The following PFKP variants were observed in gnomAD, a reference collection of about 807,000 sequenced individuals.
The protein encoded by PFKP is ATP-dependent 6-phosphofructokinase, platelet type.
In PFKP, 101 loss-of-function variants were observed where a neutral mutation model predicts 94.3. The observed-to-expected ratio is 1.07, with a 90% CI of 0.91 to 1.26. The LOEUF (loss-of-function observed/expected upper bound fraction) is 1.26, where lower values mean the gene tolerates loss of function less well. Ranked by LOEUF, PFKP falls within the 50% of genes most tolerant of loss-of-function variation. The pLI, the probability that PFKP is intolerant of heterozygous loss-of-function variation, is 0.00. For missense variants in PFKP, 1,145 were observed against 1,103.3 expected (o/e 1.04, Z -0.53); for synonymous variants, 573 against 432.6 (o/e 1.32, Z -4.03).
intron 14 of PFKP, among the ~76,000 whole-genome samples, chr10:3,117,708 G>A (rs922503978): frequency 1.1e-4 from 16 of 152,160 alleles, no homozygotes; most frequent in African/African-American, 3.9e-4. Context: ...AGAGGCAGAT[G>A]CATCCCTCGG....
intron 1 of PFKP, among the ~76,000 whole-genome samples, chr10:3,069,732 AG>A (rs548109602): frequency 1.2e-3 from 184 of 152,296 alleles, no homozygotes; most frequent in Admixed American, 2.4e-3. Context: ...AAAAAAAGAA[AG>A]AAAAAAAATT....
chr10:3,115,364 T>A (rs146227857), intron 13 of PFKP, among the ~76,000 whole-genome samples: 905 of 40,146 alleles, frequency 0.023, 224 homozygotes, highest in East Asian at 0.089. Flanking sequence ...GGAGTGAAGG[T>A]GTGTGTCCCG....
chr10:3,135,528 G>A (rs1307411044), intron 20 of PFKP, among the ~76,000 whole-genome samples: 1 of 152,222 alleles, frequency 6.6e-6, no homozygotes, highest in East Asian at 1.9e-4. Context: ...CTGCTTTCCA[G>A]GAAGCCCTCG....
intron 21 of PFKP, 104 bp downstream of exon 21, chr10:3,135,942 A>AGTT: frequency 1.4e-6 from 1 of 723,818 alleles, no homozygotes; most frequent in South Asian, 1.7e-5. Context: ...GGGTTTGAGG[A>AGTT]ACTGGCTTTT....
intron 17 of PFKP, 138 bp downstream of exon 17, chr10:3,130,121 C>A: frequency 1.3e-6 from 1 of 751,406 alleles, no homozygotes; most frequent in East Asian, 3.0e-5. Context: ...ACGCTTGATA[C>A]ACTTCGCATC....
At chr10:3,122,915 C>G (rs1837571083) in intron 16 of PFKP, among the ~76,000 whole-genome samples, 1 of 152,208 alleles carries the variant, frequency 6.6e-6, no homozygotes, top group African/African-American at 2.4e-5. Context: ...GAACGTCCCT[C>G]AGAGCACAGG....
intron 2 of PFKP, among the ~76,000 whole-genome samples, chr10:3,088,117 G>C (rs111889748): frequency 0.063 from 9,219 of 147,194 alleles, 439 homozygotes; most frequent in Non-Finnish European, 0.093. Flanking sequence ...TTTACATTAG[G>C]TATATCTCCT....
At chr10:3,092,701 C>A (rs1240074497) in intron 2 of PFKP, among the ~76,000 whole-genome samples, 1 of 152,080 alleles carries the variant, frequency 6.6e-6, no homozygotes, top group Non-Finnish European at 1.5e-5. Flanking sequence ...GGAAAAAAAC[C>A]TTTCCCTTCC....
At chr10:3,123,071 T>G (rs1191560838) in intron 16 of PFKP, among the ~76,000 whole-genome samples, 2 of 152,174 alleles carry the variant, frequency 1.3e-5, no homozygotes, top group Admixed American at 6.5e-5. Flanking sequence ...CCAGCATTGA[T>G]GCTTAGCCCC....
chr10:3,123,578 C>T (rs1036594774), intron 16 of PFKP, among the ~76,000 whole-genome samples: 5 of 152,298 alleles, frequency 3.3e-5, no homozygotes, highest in Middle Eastern at 3.4e-3. Flanking sequence ...TCACCCACAC[C>T]GTCTGGCTTC....
intron 17 of PFKP, 73 bp downstream of exon 17, chr10:3,130,056 C>A: frequency 7.1e-7 from 1 of 1,400,964 alleles, no homozygotes; most frequent in South Asian, 1.4e-5. Context: ...ATCATCGTGT[C>A]TAGGGTGGTT....
chr10:3,106,215 C>T (rs997535610), intron 7 of PFKP, among the ~76,000 whole-genome samples: 4 of 150,794 alleles, frequency 2.7e-5, no homozygotes, highest in African/African-American at 7.3e-5. Flanking sequence ...GAAAGCATGG[C>T]GTGCACGGGG....
rs1352959680 is a variant in PFKP, at chr10:3,082,382, C to T, written c.113-6C>T. ...TCAGTGACTCTTGCTCCTGTTTCCA[C>T]TGCAGGTATGAACGCTGCCGTCCGT... is the stretch of plus-strand genomic sequence containing the variant. On this transcript the variant is annotated splice_region_variant and splice_polypyrimidine_tract_variant and intron_variant, in intron 1 of 21. Coordinates refer to ENST00000381125, the MANE Select transcript of PFKP (RefSeq NM_002627.5). 6.2e-7 allele frequency: 1 copy of T among 1,603,946 alleles called. No individual in the cohort carries two copies. The highest frequency in any genetic ancestry group is 1.3e-5 in the African/African-American group (1 of 74,682).
chr10:3,089,501 T>C (rs1833884758), intron 2 of PFKP, among the ~76,000 whole-genome samples: 1 of 152,060 alleles, frequency 6.6e-6, no homozygotes, highest in Non-Finnish European at 1.5e-5. Context: ...GTTCTATGCA[T>C]GTCATAGTCT....
chr10:3,108,543 T>C (rs1430791854), intron 8 of PFKP, among the ~76,000 whole-genome samples, 158 bp from the exon 9 acceptor site: 1 of 152,234 alleles, frequency 6.6e-6, no homozygotes, highest in Non-Finnish European at 1.5e-5. Context: ...TTATATACAC[T>C]AAACGTTCTG....
chr10:3,135,933 G>A, intron 21 of PFKP, 95 bp downstream of exon 21: 1 of 762,080 alleles, frequency 1.3e-6, no homozygotes, highest in East Asian at 2.6e-5. Context: ...CTCATTCAGG[G>A]GTTTGAGGAA....
intron 2 of PFKP, 55 bp downstream of exon 2, chr10:3,082,516 G>A (rs1192968393): frequency 7.6e-7 from 1 of 1,307,320 alleles, no homozygotes; most frequent in South Asian, 1.3e-5. Flanking sequence ...CCAGAGCCCT[G>A]CAGTCACCGG....
At chr10:3,103,974 C>G in intron 5 of PFKP, 30 bp downstream of exon 5, 1 of 1,604,692 alleles carries the variant, frequency 6.2e-7, no homozygotes, top group Non-Finnish European at 8.5e-7. Context: ...CGGCGGGAGG[C>G]CAGTGGGGCC....
chr10:3,124,269 G>A (rs137953795), intron 16 of PFKP, among the ~76,000 whole-genome samples: 1 of 152,226 alleles, frequency 6.6e-6, no homozygotes, highest in African/African-American at 2.4e-5. Context: ...AGTTGGTTTT[G>A]CCACCACGTG....
Sources: allele counts gnomAD v4.1 joint callset (sites outside exome capture counted in the v4.1 genomes callset), GRCh38; gene constraint gnomAD v4.1.1; transcripts MANE v1.5; gene names NCBI Gene and HGNC (gene_info 2026-07-23, HGNC 2026-07-21).